ABCD3: variants seen among roughly 807,000 people sequenced by gnomAD.
ABCD3 encodes the protein ATP binding cassette subfamily D member 3.
Under a neutral mutation model 105.5 loss-of-function variants are expected in ABCD3, and 41 were observed. That is an observed-to-expected ratio of 0.39 (90% CI 0.30 to 0.50). The LOEUF is 0.50. Among genes scored for constraint, ABCD3 ranks in the 20% least tolerant of loss-of-function variants. The probability of loss-of-function intolerance (pLI) is 0.84; values close to 1 mark genes in which losing one functional copy is unlikely to be tolerated. For synonymous variants in ABCD3, 258 were observed against 269.0 expected (o/e 0.96, Z 0.40); for missense variants, 622 against 806.3 (o/e 0.77, Z 2.77).
the ABCD3 span, among the ~76,000 whole-genome samples, chr1:94,395,195 G>T: frequency 2.0e-5 from 3 of 152,150 alleles, no homozygotes; most frequent in East Asian, 5.8e-4. Context: ...TTATCCATAT[G>T]TTCTGTTTCC....
At chr1:94,490,062 G>A (rs1170698841) in intron 15 of ABCD3, 87 bp downstream of exon 15, 2 of 1,258,760 alleles carry the variant, frequency 1.6e-6, no homozygotes, top group Non-Finnish European at 2.3e-6. Flanking sequence ...ATTGCTTAGT[G>A]TTTAAAATTA....
chr1:94,487,517 GT>G, intron 10 of ABCD3, 24 bp from the exon 11 acceptor site: 1 of 1,608,138 alleles, frequency 6.2e-7, no homozygotes, highest in Middle Eastern at 1.9e-4. Flanking sequence ...GAAAAAGATG[GT>G]TTTTTGTTTT....
intron 1 of ABCD3, 167 bp downstream of exon 1, chr1:94,418,755 C>T (rs930129973): frequency 4.4e-6 from 3 of 682,592 alleles, no homozygotes; most frequent in African/African-American, 3.6e-5. Context: ...CGCGAGTCCC[C>T]GCCACGACGG....
chr1:94,445,716 G>C (rs1570754344), intron 1 of ABCD3, among the ~76,000 whole-genome samples: 1 of 152,272 alleles, frequency 6.6e-6, no homozygotes, highest in Non-Finnish European at 1.5e-5. Flanking sequence ...CTTCAGTGCT[G>C]TAAAACAGGG....
chr1:94,429,502 C>G (rs1363699231), intron 1 of ABCD3, among the ~76,000 whole-genome samples: 2 of 152,186 alleles, frequency 1.3e-5, no homozygotes, highest in East Asian at 3.9e-4. Context: ...ATGGGTCCGT[C>G]CCAGGGTCCC....
chr1:94,478,154 A>G (rs1321659639), intron 7 of ABCD3, 105 bp from the exon 8 acceptor site: 3 of 730,174 alleles, frequency 4.1e-6, no homozygotes, highest in African/African-American at 3.6e-5. Flanking sequence ...CATGTTGATA[A>G]TTATATATTA....
chr1:94,456,659 T>G (rs764717456), intron 1 of ABCD3, among the ~76,000 whole-genome samples: 6 of 152,008 alleles, frequency 3.9e-5, no homozygotes, highest in Non-Finnish European at 8.8e-5. Flanking sequence ...CGATGGACAT[T>G]TAGGTTGATT....
In ABCD3 at chr1:94,518,460, G is replaced by T. The variant is rs1371523180; in HGVS notation, c.*1331G>T. On this transcript the variant is annotated 3_prime_UTR_variant, in exon 23 of 23. Coordinates refer to ENST00000370214, the MANE Select transcript of ABCD3 (RefSeq NM_002858.4). ...ATAACATTCAATTTTTACCACTTCT[G>T]TTTAGCGAACTTGTATACTTATTTT... is the stretch of plus-strand genomic sequence containing the variant. The T allele has an allele frequency of 1.4e-5, 2 of 144,682 alleles. No individual in the cohort carries two copies. 9.0% of individuals were successfully genotyped at this position (144,682 alleles called of 1,614,324 possible). A position where few individuals can be genotyped will look rare whatever the true frequency, so the allele number is the denominator to read the frequency against.
Position 94,518,415 on chromosome 1 carries a change from T to G in ABCD3, c.*1286T>G, listed in dbSNP as rs933056337. 6 of 151,906 alleles carry G rather than the reference T, an allele frequency of 3.9e-5. No individual in the cohort carries two copies. The highest frequency in any genetic ancestry group is 7.4e-5 in the Non-Finnish European group (5 of 67,742). 9.4% of individuals were successfully genotyped at this position (151,906 alleles called of 1,614,324 possible). On this transcript the variant is annotated 3_prime_UTR_variant, in exon 23 of 23. Transcript: ENST00000370214. ...ATCACTGGCTACCGAAGTAAACTGA[T>G]GTACTGAATTCCATAATACATAACA...
chr1:94,429,390 C>G (rs370323485), intron 1 of ABCD3, among the ~76,000 whole-genome samples: 36 of 152,322 alleles, frequency 2.4e-4, no homozygotes, highest in African/African-American at 8.7e-4. Context: ...CCAAAAGTTA[C>G]TCATCAAGAC....
Position 94,418,485 on chromosome 1 carries a change from G to A in ABCD3, c.7G>A (p.Ala3Thr), listed in dbSNP as rs1346373361. 1 of 1,600,468 alleles carries A rather than the reference G, an allele frequency of 6.2e-7. No homozygotes were observed. The highest frequency in any genetic ancestry group is 8.5e-7 in the Non-Finnish European group (1 of 1,177,740). ...CGCTGGTACCGGCAGTGCCATGGCGGCCTTCAGCAAGTACTTGACGGCGCG... is the reference window on the plus strand; with the variant it reads ...CGCTGGTACCGGCAGTGCCATGGCGACCTTCAGCAAGTACTTGACGGCGCG... MA[A>T]FSKYLTARNS... Residue 3 changes from alanine to threonine, a missense_variant, in exon 1 of 23, where the codon GCC (alanine) becomes ACC (threonine). Transcript: ENST00000370214.
chr1:94,477,214 A>G (rs1648786914), intron 7 of ABCD3, among the ~76,000 whole-genome samples: 1 of 122,526 alleles, frequency 8.2e-6, no homozygotes, highest in Non-Finnish European at 1.6e-5. Context: ...TAGCTTCTTG[A>G]TAACTTATAA....
rs1265415637 is a variant in ABCD3 at position 94,433,736 on chromosome 1, T to TC, written c.110+15151dup. On this transcript the variant is annotated intron_variant, in intron 1 of 22. Coordinates refer to ENST00000370214, the MANE Select transcript of ABCD3 (RefSeq NM_002858.4). The stretch of plus-strand genomic sequence containing the variant: ...GTCTTGGCTTACTGCAACCTCCGCC[T>TC]CCCAGGTGCAAGTGCTTCTCCTGCC... Among the ~76,000 whole-genome samples the TC allele has an allele frequency of 7.3e-5, 11 of 151,078 alleles. No homozygotes were observed. In the Admixed American group the frequency reaches 7.3e-4, roughly 10 times the overall value.
intron 3 of ABCD3, among the ~76,000 whole-genome samples, chr1:94,467,176 T>C (rs1648180555): frequency 6.6e-6 from 1 of 152,230 alleles, no homozygotes; most frequent in Admixed American, 6.5e-5. Context: ...CTCAGTACAG[T>C]ACCATAGTTC....
chr1:94,392,842 G>T, the ABCD3 span, among the ~76,000 whole-genome samples: 1 of 152,112 alleles, frequency 6.6e-6, no homozygotes, highest in South Asian at 2.1e-4. Flanking sequence ...GGCTGGGCGT[G>T]GTGGCTCATG....
At chr1:94,516,863 T>A (rs535618421) in intron 22 of ABCD3, among the ~76,000 whole-genome samples, 189 bp from the exon 23 acceptor site, 1 of 152,050 alleles carries the variant, frequency 6.6e-6, no homozygotes, top group East Asian at 1.9e-4. Context: ...CAGTCTTGCA[T>A]TTAGCACAGT....
intron 1 of ABCD3, among the ~76,000 whole-genome samples, chr1:94,424,709 G>T (rs1228545348): frequency 1.3e-5 from 2 of 152,136 alleles, no homozygotes; most frequent in African/African-American, 4.8e-5. Context: ...GAGCCACTGT[G>T]CCTGGCCCCT....
the ABCD3 span, among the ~76,000 whole-genome samples, chr1:94,406,234 T>C: frequency 1.3e-5 from 2 of 152,094 alleles, no homozygotes; most frequent in Non-Finnish European, 2.9e-5. Context: ...ACTAAATTTT[T>C]ATATGCACTT....
At chr1:94,512,042 C>G (rs974974665) in intron 21 of ABCD3, among the ~76,000 whole-genome samples, 5 of 152,110 alleles carry the variant, frequency 3.3e-5, no homozygotes, top group African/African-American at 1.2e-4. Flanking sequence ...TGAGGAACTG[C>G]GTTCCTTTGG....
Sources: allele counts gnomAD v4.1 joint callset (sites outside exome capture counted in the v4.1 genomes callset), GRCh38; gene constraint gnomAD v4.1.1; transcripts MANE v1.5; gene names NCBI Gene and HGNC (gene_info 2026-07-23, HGNC 2026-07-21).